The following CROCC2 variants were observed in gnomAD, a reference collection of about 807,000 sequenced individuals.
CROCC2 encodes the protein ciliary rootlet coiled-coil, rootletin family member 2, also known as ciliary rootlet coiled-coil protein 2.
CROCC2 carries 163 observed loss-of-function variants against 177.6 expected under a neutral mutation model. The observed-to-expected ratio is 0.92, with a 90% CI of 0.81 to 1.05. The LOEUF (loss-of-function observed/expected upper bound fraction) is 1.05. Ranked by LOEUF, CROCC2 falls within the 50% of genes least tolerant of loss-of-function variation. CROCC2 has a pLI of 0.00. For missense variants in CROCC2, 1,929 were observed against 1,797.8 expected, an observed-to-expected ratio of 1.07 and a Z score of -1.32; for synonymous variants, 904 against 787.3, an observed-to-expected ratio of 1.15 and a Z score of -2.48.
At chr2:240,956,860 C>T (rs1464034322) in intron 19 of CROCC2, among the ~76,000 whole-genome samples, 1 of 152,168 alleles carries the variant, frequency 6.6e-6, no homozygotes, top group African/African-American at 2.4e-5. Context: ...CTGGGCAGGG[C>T]TCACAGCGAG....
In CROCC2 at chr2:240,925,793, C is replaced by T. The variant is rs149180393; in HGVS notation, c.558C>T (p.Asp186=). ...EQLEHMKKAN[D]ALGRELAGMT... ...TGGAACATATGAAGAAGGCCAATGACGCGCTGGGCCGGGAGCTGGCCGGGA... is the reference window on the plus strand; with the variant it reads ...TGGAACATATGAAGAAGGCCAATGATGCGCTGGGCCGGGAGCTGGCCGGGA... Residue 186 remains aspartate (D), a synonymous_variant, in exon 5 of 32, where the codon GAC becomes GAT. Coordinates refer to ENST00000690015, the MANE Select transcript of CROCC2 (RefSeq NM_001351305.2). 2.4e-3 allele frequency: 1,707 copies of T among 716,964 alleles called. 5 individuals carry two copies. Among genetic ancestry groups the T allele is most frequent in the Non-Finnish European group, 2.8e-3 (1,064 of 384,920 alleles). The allele number at this position is 716,964 out of a possible 1,614,324, so 44.4% of individuals were successfully genotyped here. A position where few individuals can be genotyped will look rare whatever the true frequency, so the allele number is the denominator to read the frequency against.
Position 240,933,480 on chromosome 2 carries a change from G to A in CROCC2, c.1463+138G>A, listed in dbSNP as rs1414530741. ...GGGGTCCTTGCCTTCTAGCAGAGTT[G>A]TGTGAGCACCAGTTGAGCGTGGGCC... On this transcript the variant is annotated intron_variant, in intron 10 of 31. Coordinates refer to ENST00000690015, the MANE Select transcript of CROCC2 (RefSeq NM_001351305.2). 3.6e-6 allele frequency: 4 copies of A among 1,126,422 alleles called. No individual in the cohort carries two copies. The Admixed American group carries it at 1.1e-4, about 32-fold the overall frequency. The allele number at this position is 1,126,422 out of a possible 1,614,324, so 69.8% of individuals were successfully genotyped here.
intron 20 of CROCC2, among the ~76,000 whole-genome samples, chr2:240,962,716 C>G (rs949501101): frequency 4.6e-5 from 7 of 152,168 alleles, no homozygotes; most frequent in Admixed American, 1.3e-4. Flanking sequence ...CTGGGACACA[C>G]GAGAGCCGGA....
intron 1 of CROCC2, among the ~76,000 whole-genome samples, chr2:240,907,968 CGGGTGACCTCTACCTCCTCCACCTG>C (rs2059267742): frequency 5.6e-5 from 1 of 17,896 alleles, no homozygotes; most frequent in Admixed American, 5.9e-4. Flanking sequence ...TCCTCCACCT[CGGGTGACCTCTACCTCCTCCACCTG>C]GGGTGAGCTC....
In CROCC2 at chr2:240,918,890, G is replaced by A. The variant is rs1358502541; in HGVS notation, c.229+14G>A. On this transcript the variant is annotated intron_variant, in intron 2 of 31. Transcript: ENST00000690015. This position sits in a 1 kb window ranked among gnomAD's most constrained non-coding sequence, Gnocchi z 6.3. ...AGCCACCCCAAGGTGATGGTGTGGG[G>A]GACAGTCCTGGGCCCGGGGCTGGCC... is the stretch of plus-strand genomic sequence containing the variant. 2.9e-6 allele frequency: 2 copies of A among 682,162 alleles called. No homozygotes were observed. The highest frequency in any genetic ancestry group is 1.8e-5 in the African/African-American group (1 of 54,062). 42.3% of individuals were successfully genotyped at this position (682,162 alleles called of 1,614,324 possible).
intron 28 of CROCC2, among the ~76,000 whole-genome samples, chr2:240,987,644 C>T (rs1052212369): frequency 1.3e-5 from 2 of 152,246 alleles, no homozygotes; most frequent in African/African-American, 4.8e-5. Flanking sequence ...TGTGGTGTGC[C>T]AAGTGTGTGC....
rs2059616650 is a variant in CROCC2 at position 240,959,462 on chromosome 2, G to C, written c.3087+18G>C. The C allele has an allele frequency of 6.5e-7, 1 of 1,548,274 alleles. No homozygotes were observed. The highest frequency in any genetic ancestry group is 2.0e-5 in the Admixed American group (1 of 50,710). On this transcript the variant is annotated intron_variant, in intron 20 of 31. Transcript: ENST00000690015. ...AGAGAGAGGTGAGAGGCAGGGCTGG[G>C]GGGCTCCTGGGGATGCCAGAGGACA...
intron 9 of CROCC2, 23 bp downstream of exon 9, chr2:240,932,931 ACTCCCTGT>A (rs1215320606): frequency 1.8e-5 from 27 of 1,542,610 alleles, no homozygotes; most frequent in Middle Eastern, 2.2e-4. Context: ...AGCCCACAGG[ACTCCCTGT>A]CTCCCTGAGG....
In CROCC2 at chr2:240,933,863, G is replaced by A. The variant is rs924109374; in HGVS notation, c.1646+11G>A. 9 of 1,538,996 alleles carry A rather than the reference G, an allele frequency of 5.8e-6. No individual in the cohort carries two copies. Among genetic ancestry groups the A allele is most frequent in the African/African-American group, 2.7e-5 (2 of 72,828 alleles). Reference sequence around the variant, plus strand: ...GGCACTGGAGACCAGGTGCGCGGCCGTGGCTGGGTGGGCAGGGCCCCTCCC... The same window carrying A: ...GGCACTGGAGACCAGGTGCGCGGCCATGGCTGGGTGGGCAGGGCCCCTCCC... On this transcript the variant is annotated intron_variant, in intron 11 of 31. Coordinates refer to ENST00000690015, the MANE Select transcript of CROCC2 (RefSeq NM_001351305.2).
rs376231992 is a variant in CROCC2, at chr2:240,917,845, C to T, written c.79-881C>T. ...TGGGCTTCTGCTGGTTTGGCACAGGCGGCCTGTGTGTCCTGCCCACAGTCG... is the reference window on the plus strand; with the variant it reads ...TGGGCTTCTGCTGGTTTGGCACAGGTGGCCTGTGTGTCCTGCCCACAGTCG... On this transcript the variant is annotated intron_variant, in intron 1 of 31. Coordinates refer to ENST00000690015, the MANE Select transcript of CROCC2 (RefSeq NM_001351305.2). This position sits in a 1 kb window ranked among gnomAD's most constrained non-coding sequence, Gnocchi z 4.9. Among the ~76,000 whole-genome samples, 11 of 152,292 alleles carry T rather than the reference C, an allele frequency of 7.2e-5. No homozygotes were observed. The East Asian group carries it at 7.7e-4, about 11-fold the overall frequency.
chr2:240,906,745 C>T (rs957649521), intron 1 of CROCC2, among the ~76,000 whole-genome samples, 154 bp downstream of exon 1: 20 of 152,242 alleles, frequency 1.3e-4, no homozygotes, highest in Non-Finnish European at 8.8e-5. Context: ...GAGCGTGCAG[C>T]CAGTCACGGA....
At position 240,918,799 on chromosome 2, in the gene CROCC2, G is replaced by A. The variant is rs1324613405; in HGVS notation, c.152G>A (p.Arg51Gln). ...DRALTVRGEGRQASPTPVPTR... is the reference protein window; with the variant it reads ...DRALTVRGEGQQASPTPVPTR... ...GCGCTGACCGTGCGTGGGGAAGGCCGGCAGGCCTCGCCCACCCCCGTGCCC... is the reference window on the plus strand; with the variant it reads ...GCGCTGACCGTGCGTGGGGAAGGCCAGCAGGCCTCGCCCACCCCCGTGCCC... Residue 51 changes from arginine (R) to glutamine (Q), a missense_variant, in exon 2 of 32, where the codon CGG becomes CAG. Coordinates refer to ENST00000690015, the MANE Select transcript of CROCC2 (RefSeq NM_001351305.2). This position sits in a 1 kb window ranked among gnomAD's most constrained non-coding sequence, Gnocchi z 6.3. 16 of 603,078 alleles carry A rather than the reference G, an allele frequency of 2.7e-5. No homozygotes were observed. In the Middle Eastern group the frequency reaches 1.0e-3, roughly 39 times the overall value. 37.4% of individuals were successfully genotyped at this position (603,078 alleles called of 1,614,324 possible). A position where few individuals can be genotyped will look rare whatever the true frequency, so the allele number is the denominator to read the frequency against.
intron 28 of CROCC2, among the ~76,000 whole-genome samples, chr2:240,983,870 C>A (rs560145782): frequency 4.6e-5 from 7 of 152,302 alleles, no homozygotes; most frequent in African/African-American, 1.7e-4. Flanking sequence ...CCTGACACAT[C>A]ACACACCCCA....
At chr2:240,985,992 C>T (rs890453142) in intron 28 of CROCC2, 7 of 456,094 alleles carry the variant, frequency 1.5e-5, no homozygotes, top group East Asian at 6.9e-5. Flanking sequence ...TCCTTGATGC[C>T]GGCCTCTCAA....
chr2:240,983,163 G>A (rs1183568257), intron 28 of CROCC2, 134 bp downstream of exon 28: 7 of 1,003,698 alleles, frequency 7.0e-6, no homozygotes, highest in Non-Finnish European at 1.0e-5. Context: ...GCTGGAGGCA[G>A]GTGAGCAGGC....
chr2:240,949,196 C>T lies in CROCC2; in HGVS notation c.2482+99C>T, dbSNP rs187885372. ...GCCCACACGTGCTGCACCCCCTCTC[C>T]GGAGCCCACAGGGGCATGAACATGA... is the stretch of plus-strand genomic sequence containing the variant. On this transcript the variant is annotated intron_variant, in intron 16 of 31. Coordinates refer to ENST00000690015, the MANE Select transcript of CROCC2 (RefSeq NM_001351305.2). This position sits in a 1 kb window ranked among gnomAD's most constrained non-coding sequence, Gnocchi z 4.5. 3.4e-5 allele frequency: 49 copies of T among 1,445,460 alleles called. No individual in the cohort carries two copies. The East Asian group carries it at 8.0e-4, about 24-fold the overall frequency. 89.5% of individuals were successfully genotyped at this position (1,445,460 alleles called of 1,614,324 possible).
intron 4 of CROCC2, among the ~76,000 whole-genome samples, chr2:240,925,152 A>G (rs966925388): frequency 6.6e-6 from 1 of 152,304 alleles, no homozygotes; most frequent in Non-Finnish European, 1.5e-5. Flanking sequence ...CAAAGTGCTG[A>G]GAAACTTTTG....
At chr2:240,922,716 C>A in intron 4 of CROCC2, 71 bp downstream of exon 4, 1 of 512,062 alleles carries the variant, frequency 2.0e-6, no homozygotes, top group Admixed American at 3.6e-5. Context: ...GTGGGACCCT[C>A]TGTGCCTTGG....
intron 3 of CROCC2, among the ~76,000 whole-genome samples, chr2:240,920,979 G>C (rs2059354280): frequency 6.6e-6 from 1 of 152,162 alleles, no homozygotes; most frequent in Admixed American, 6.5e-5. Flanking sequence ...GAGCCCCCCT[G>C]GTTCTGCATG....
Sources: gnomAD v4.1 joint callset for allele counts (sites outside exome capture counted in the v4.1 genomes callset) on GRCh38, gnomAD v4.1.1 for gene constraint, Gnocchi (gnomAD v3.1) non-coding constraint, MANE v1.5 for transcripts, NCBI Gene and HGNC (gene_info 2026-07-23, HGNC 2026-07-21) for gene names.